RARB: variants seen among roughly 807,000 people sequenced by gnomAD.
RARB encodes HBV-activated protein.
A neutral mutation model predicts 51.9 loss-of-function variants in RARB; 17 were observed. The ratio of observed to expected loss-of-function variants is 0.33; its 90% CI spans 0.22 to 0.49. RARB has a LOEUF of 0.49. RARB is among the 20% of genes least tolerant of loss of function. RARB has a pLI of 0.99. For missense variants in RARB, 369 were observed against 550.8 expected (o/e 0.67, Z 3.30); for synonymous variants, 215 against 195.4 (o/e 1.10, Z -0.84).
intron 5 of RARB, among the ~76,000 whole-genome samples, chr3:25,417,584 T>C (rs1707741464): frequency 1.3e-5 from 2 of 152,196 alleles, no homozygotes; most frequent in African/African-American, 4.8e-5. Flanking sequence ...AGATGTGCCT[T>C]TCACCTTCCA....
chr3:25,212,074 G>T (rs1701712378), intron 5 of RARB, among the ~76,000 whole-genome samples: 1 of 152,108 alleles, frequency 6.6e-6, no homozygotes, highest in African/African-American at 2.4e-5. Flanking sequence ...GGTGAGCATT[G>T]TCATTTTCTT....
chr3:25,596,607 C>T lies in RARB; in HGVS notation c.1338C>T (p.Leu446=), dbSNP rs143290192. Residue 446 remains leucine (L), a synonymous_variant, in exon 8 of 8, where the codon CTC becomes CTT. Coordinates refer to ENST00000330688, the MANE Select transcript of RARB (RefSeq NM_000965.5). ...VENSGVSQSP[L]VQ ...ACAGTGGGGTCAGTCAGTCACCACT[C>T]GTGCAATAAGACATTTTCTAGCTAC... The T allele has an allele frequency of 6.3e-6, 10 of 1,592,738 alleles. No homozygotes were observed. Among genetic ancestry groups the T allele is most frequent in the Middle Eastern group, 1.7e-4 (1 of 5,990 alleles).
intron 5 of RARB, among the ~76,000 whole-genome samples, chr3:25,194,527 A>G (rs1204455398): frequency 6.6e-6 from 1 of 150,680 alleles, no homozygotes; most frequent in Non-Finnish European, 1.5e-5. Flanking sequence ...GTTGATATAT[A>G]TATATATAAT....
chr3:25,571,176 C>A (rs887217965), intron 4 of RARB, among the ~76,000 whole-genome samples: 1 of 152,236 alleles, frequency 6.6e-6, no homozygotes, highest in Non-Finnish European at 1.5e-5. Flanking sequence ...CCACCTTAAA[C>A]AGACAAGTCT....
chr3:25,575,816 A>G (rs771255442), intron 4 of RARB, among the ~76,000 whole-genome samples: 10 of 152,206 alleles, frequency 6.6e-5, no homozygotes, highest in Non-Finnish European at 1.3e-4. Context: ...TAGGATTTCA[A>G]CACATCTTTT....
Position 25,237,501 on chromosome 3 carries a change from T to C in RARB, c.178+62926T>C, listed in dbSNP as rs144691470. On this transcript the variant is annotated intron_variant, in intron 5 of 11. Coordinates refer to the RARB transcript ENST00000383772. ...TTTTGTTTTACATGAGCAGATAATA[T>C]TTGTTTTTTAAAAAAGCCACCCTCC... 5.2e-3 allele frequency among the ~76,000 whole-genome samples: 793 copies of C among 152,242 alleles called. 11 individuals carry two copies. Among genetic ancestry groups the C allele is most frequent in the African/African-American group, 0.019 (772 of 41,574 alleles).
intron 5 of RARB, among the ~76,000 whole-genome samples, chr3:25,295,413 G>A (rs879641858): frequency 6.6e-6 from 1 of 152,200 alleles, no homozygotes; most frequent in Non-Finnish European, 1.5e-5. Context: ...ATGAAGAACA[G>A]AACTTTACCA....
chr3:25,482,356 T>C (rs1466273723), intron 2 of RARB, among the ~76,000 whole-genome samples: 1 of 152,094 alleles, frequency 6.6e-6, no homozygotes, highest in Non-Finnish European at 1.5e-5. Flanking sequence ...TTTACTTGAT[T>C]TGGCCTTTGA....
intron 2 of RARB, among the ~76,000 whole-genome samples, chr3:24,865,593 CCT>C (rs1157701687): frequency 6.6e-6 from 1 of 152,124 alleles, no homozygotes; most frequent in Non-Finnish European, 1.5e-5. Flanking sequence ...CCCTCTTCCA[CCT>C]CTCTGTCCTG....
intron 2 of RARB, among the ~76,000 whole-genome samples, chr3:25,004,515 A>C (rs1261046113): frequency 6.6e-6 from 1 of 152,158 alleles, no homozygotes; most frequent in Admixed American, 6.6e-5. Flanking sequence ...TGAAGCCATG[A>C]TAACAGCATT....
At chr3:25,151,507 G>A (rs757765216) in intron 4 of RARB, among the ~76,000 whole-genome samples, 8 of 152,080 alleles carry the variant, frequency 5.3e-5, no homozygotes, top group Admixed American at 1.3e-4. Flanking sequence ...AGCTGCCTTC[G>A]TCTCTTTGAT....
intron 2 of RARB, among the ~76,000 whole-genome samples, chr3:24,997,824 G>A (rs977940291): frequency 6.6e-6 from 1 of 152,094 alleles, no homozygotes; most frequent in African/African-American, 2.4e-5. Context: ...TTTCTAAATA[G>A]TGAGTATAAC....
intron 2 of RARB, among the ~76,000 whole-genome samples, chr3:24,919,532 C>T (rs965023748): frequency 6.6e-6 from 1 of 152,028 alleles, no homozygotes; most frequent in Non-Finnish European, 1.5e-5. Context: ...CTGTACGTCA[C>T]TTTCTTTTTC....
At chr3:25,094,674 G>T (rs990432071) in intron 3 of RARB, among the ~76,000 whole-genome samples, 1 of 119,188 alleles carries the variant, frequency 8.4e-6, no homozygotes, top group Non-Finnish European at 1.6e-5. Flanking sequence ...TCAAGATCAT[G>T]CCATTGCACT....
At chr3:25,354,615 C>A (rs1031879663) in intron 5 of RARB, among the ~76,000 whole-genome samples, 16 of 152,118 alleles carry the variant, frequency 1.1e-4, no homozygotes, top group Non-Finnish European at 1.9e-4. Context: ...TACTCGGCTC[C>A]CCTCAATGCC....
intron 5 of RARB, among the ~76,000 whole-genome samples, chr3:25,370,652 C>T (rs1706270419): frequency 6.6e-6 from 1 of 152,118 alleles, no homozygotes; most frequent in Non-Finnish European, 1.5e-5. Flanking sequence ...AGTTGCAGAA[C>T]CTGGGGATGG....
intron 2 of RARB, among the ~76,000 whole-genome samples, chr3:25,489,722 A>G (rs1174292025): frequency 2.0e-5 from 3 of 152,238 alleles, no homozygotes; most frequent in African/African-American, 7.2e-5. Context: ...GAACCAAAGA[A>G]CAAGGCAGGG....
intron 5 of RARB, among the ~76,000 whole-genome samples, chr3:25,239,368 T>A (rs1283165031): frequency 1.3e-5 from 2 of 152,204 alleles, no homozygotes; most frequent in East Asian, 3.9e-4. Flanking sequence ...AGCCATAATA[T>A]CTTTCCCTAG....
In RARB at chr3:25,113,924, G is replaced by T. The variant is rs73047759; in HGVS notation, c.-327-18237G>T. ...GGACCTGCCAGGATAGTAAATGTCT[G>T]CCCTGTTCCCCTGGAAATGGTTGCT... On this transcript the variant is annotated intron_variant, in intron 3 of 11. Coordinates refer to the RARB transcript ENST00000383772. 5.6e-3 allele frequency among the ~76,000 whole-genome samples: 850 copies of T among 152,230 alleles called. 3 individuals are homozygous for T. Among genetic ancestry groups the T allele is most frequent in the South Asian group, 0.018 (87 of 4,818 alleles).
Sources: gnomAD v4.1 joint callset for allele counts (sites outside exome capture counted in the v4.1 genomes callset) on GRCh38, gnomAD v4.1.1 for gene constraint, MANE v1.5 for transcripts, NCBI Gene and HGNC (gene_info 2026-07-23, HGNC 2026-07-21) for gene names.